Variants in UNC13C observed in about 807,000 individuals in gnomAD.
UNC13C encodes protein unc-13 homolog C.
A neutral mutation model predicts 245.4 loss-of-function variants in UNC13C; 174 were observed. The ratio of observed to expected loss-of-function variants is 0.71; its 90% CI spans 0.63 to 0.80. UNC13C has a LOEUF of 0.80. Ranked by LOEUF, UNC13C falls within the 30% of genes least tolerant of loss-of-function variation. UNC13C has a pLI of 0.00. For synonymous variants in UNC13C, 992 were observed against 895.1 expected (o/e 1.11, Z -1.93); for missense variants, 2,829 against 2,602.9 (o/e 1.09, Z -1.89).
chr15:54,196,750 A>C (rs1351649383), intron 4 of UNC13C, among the ~76,000 whole-genome samples: 14 of 152,196 alleles, frequency 9.2e-5, no homozygotes, highest in Admixed American at 9.2e-4. Flanking sequence ...ATAGATGAAA[A>C]GTCATTCAAG....
chr15:54,020,198 G>A (rs565420311), intron 2 of UNC13C, among the ~76,000 whole-genome samples: 9 of 151,828 alleles, frequency 5.9e-5, no homozygotes, highest in South Asian at 2.1e-4. Context: ...CTCACACGGC[G>A]TTCTTAATTT....
chr15:53,987,557 A>G (rs1045880078), intron 1 of UNC13C, among the ~76,000 whole-genome samples: 5 of 147,710 alleles, frequency 3.4e-5, no homozygotes, highest in Admixed American at 2.7e-4. Flanking sequence ...TTGTTGTTTA[A>G]TATGCTGCAG....
At chr15:54,237,165 C>A (rs919035446) in intron 6 of UNC13C, among the ~76,000 whole-genome samples, 1 of 152,074 alleles carries the variant, frequency 6.6e-6, no homozygotes, top group African/African-American at 2.4e-5. Context: ...GAAGAATATT[C>A]TAGGGAACTA....
At chr15:54,226,823 T>A (rs1009536619) in intron 4 of UNC13C, among the ~76,000 whole-genome samples, 20 of 152,120 alleles carry the variant, frequency 1.3e-4, no homozygotes, top group Non-Finnish European at 1.8e-4. Context: ...GACAGAGGGA[T>A]CATGGTGGTG....
intron 4 of UNC13C, among the ~76,000 whole-genome samples, chr15:54,200,582 AC>A (rs2034492285): frequency 6.6e-6 from 1 of 152,138 alleles, no homozygotes; most frequent in South Asian, 2.1e-4. Context: ...CATTGGGTCA[AC>A]AATGAAATCA....
At position 54,472,080 on chromosome 15, in the gene UNC13C, T is replaced by G. The variant is rs1407615092; in HGVS notation, c.4934-22528T>G. ...CTTTCACTGGTTTCATGGCTTTCTG[T>G]AATAATATGCTTTGGATCTTTCCTT... is the stretch of plus-strand genomic sequence containing the variant. On this transcript the variant is annotated intron_variant, in intron 19 of 32. Transcript: ENST00000260323. Among the ~76,000 whole-genome samples, 17 of 151,952 alleles carry G rather than the reference T, an allele frequency of 1.1e-4. 1 individual carries two copies. Among genetic ancestry groups the G allele is most frequent in the South Asian group, 1.0e-3 (5 of 4,828 alleles).
chr15:54,199,928 T>C (rs935947952), intron 4 of UNC13C, among the ~76,000 whole-genome samples: 3 of 152,106 alleles, frequency 2.0e-5, no homozygotes, highest in Non-Finnish European at 4.4e-5. Flanking sequence ...ACTAAGTTTT[T>C]GCTATTTTCA....
chr15:54,273,365 C>T (rs974662367), intron 10 of UNC13C, among the ~76,000 whole-genome samples: 7 of 152,094 alleles, frequency 4.6e-5, no homozygotes, highest in Non-Finnish European at 8.8e-5. Flanking sequence ...CTCCTTTCCC[C>T]GCTTTTCCCT....
intron 19 of UNC13C, among the ~76,000 whole-genome samples, chr15:54,418,515 T>G (rs1243483315): frequency 6.6e-6 from 1 of 152,118 alleles, no homozygotes; most frequent in Non-Finnish European, 1.5e-5. Flanking sequence ...TGCCCCTTCT[T>G]TATCTATATC....
the UNC13C span, among the ~76,000 whole-genome samples, chr15:53,854,403 G>A: frequency 1.3e-5 from 2 of 151,884 alleles, no homozygotes; most frequent in South Asian, 2.1e-4. Flanking sequence ...ACAGGTGTGA[G>A]CCACCATGCC....
intron 18 of UNC13C, among the ~76,000 whole-genome samples, chr15:54,406,165 T>A (rs1312603280): frequency 6.6e-6 from 1 of 152,188 alleles, no homozygotes; most frequent in African/African-American, 2.4e-5. Flanking sequence ...AATTTGAGTA[T>A]ATTTTGTGCT....
chr15:53,848,535 A>G, the UNC13C span, among the ~76,000 whole-genome samples: 1 of 152,170 alleles, frequency 6.6e-6, no homozygotes, highest in Non-Finnish European at 1.5e-5. Context: ...TATTTTGTGG[A>G]TAAGCACATG....
At chr15:54,480,649 C>A (rs189294563) in intron 19 of UNC13C, among the ~76,000 whole-genome samples, 1 of 151,712 alleles carries the variant, frequency 6.6e-6, no homozygotes, top group African/African-American at 2.4e-5. Context: ...TATCTGGGTT[C>A]TCTTGCTCTG....
At chr15:54,397,476 G>A (rs944397806) in intron 18 of UNC13C, among the ~76,000 whole-genome samples, 1 of 151,242 alleles carries the variant, frequency 6.6e-6, no homozygotes, top group Non-Finnish European at 1.5e-5. Flanking sequence ...ACTCAACTTT[G>A]TTTATATTTT....
chr15:54,251,706 A>G (rs2036157107), intron 8 of UNC13C, among the ~76,000 whole-genome samples: 1 of 152,232 alleles, frequency 6.6e-6, no homozygotes. Context: ...ATTTTTTCAC[A>G]TCTAAATATT....
At chr15:54,349,161 A>G (rs2038925361) in intron 17 of UNC13C, among the ~76,000 whole-genome samples, 1 of 149,630 alleles carries the variant, frequency 6.7e-6, no homozygotes, top group Non-Finnish European at 1.5e-5. Context: ...AAATGTATAG[A>G]ATAAATGTTA....
intron 4 of UNC13C, among the ~76,000 whole-genome samples, chr15:54,224,583 T>C (rs527549669): frequency 6.6e-6 from 1 of 152,274 alleles, no homozygotes; most frequent in African/African-American, 2.4e-5. Flanking sequence ...TCAGGGATAT[T>C]GGCCTGTGGC....
At chr15:54,133,603 T>C (rs1473659606) in intron 2 of UNC13C, among the ~76,000 whole-genome samples, 2 of 152,156 alleles carry the variant, frequency 1.3e-5, no homozygotes, top group African/African-American at 4.8e-5. Context: ...TGTGAGATGA[T>C]ATGTGCCTTC....
chr15:54,027,182 GA>G (rs201428032), intron 2 of UNC13C, among the ~76,000 whole-genome samples: 1,452 of 141,896 alleles, frequency 0.01, 22 homozygotes, highest in African/African-American at 0.032. Flanking sequence ...GAAAAAAAAA[GA>G]AAAAAAAAAA....
Sources: gnomAD v4.1 joint callset for allele counts (sites outside exome capture counted in the v4.1 genomes callset) on GRCh38, gnomAD v4.1.1 for gene constraint, MANE v1.5 for transcripts, NCBI Gene and HGNC (gene_info 2026-07-23, HGNC 2026-07-21) for gene names.